GRIK2: variants seen among roughly 807,000 people sequenced by gnomAD.
The protein encoded by GRIK2 is glutamate ionotropic receptor kainate type subunit 2.
GRIK2 carries 32 observed loss-of-function variants against 100.3 expected under a neutral mutation model. The ratio of observed to expected loss-of-function variants is 0.32; its 90% CI spans 0.24 to 0.43. The LOEUF (loss-of-function observed/expected upper bound fraction) is 0.43. GRIK2 is among the 20% of genes least tolerant of loss of function. The probability of loss-of-function intolerance (pLI) is 1.00; values close to 1 mark genes in which losing one functional copy is unlikely to be tolerated. For missense variants in GRIK2, 843 were observed against 1,114.9 expected (o/e 0.76, Z 3.47); for synonymous variants, 417 against 389.4 (o/e 1.07, Z -0.83).
At position 101,463,750 on chromosome 6, in the gene GRIK2, A is replaced by C. The variant is rs1771467478; in HGVS notation, c.115+64358A>C. 2.0e-5 allele frequency among the ~76,000 whole-genome samples: 3 copies of C among 152,126 alleles called. No homozygotes were observed. The South Asian group carries it at 6.2e-4, about 32-fold the overall frequency. ...ACAGGTAGAATCAGATCATTGACAC[A>C]AGGCAAAGAGACTCCAACATGCATG... On this transcript the variant is annotated intron_variant, in intron 2 of 16. Transcript: ENST00000369134.
intron 2 of GRIK2, among the ~76,000 whole-genome samples, chr6:101,410,322 T>C (rs1471396481): frequency 3.9e-5 from 6 of 152,118 alleles, no homozygotes; most frequent in Non-Finnish European, 1.5e-5. Context: ...GATCCATTTG[T>C]GTTGATTCAG....
intron 14 of GRIK2, among the ~76,000 whole-genome samples, chr6:101,948,782 G>C (rs1328608408): frequency 1.3e-5 from 2 of 151,532 alleles, no homozygotes; most frequent in African/African-American, 4.9e-5. Flanking sequence ...GCCTAAAAAG[G>C]GTTTTAAAGC....
intron 7 of GRIK2, among the ~76,000 whole-genome samples, chr6:101,789,956 C>A (rs557788160): frequency 2.4e-4 from 36 of 152,196 alleles, no homozygotes; most frequent in African/African-American, 8.7e-4. Context: ...GTATTTTATT[C>A]TCTTTGAAGC....
chr6:101,678,491 G>T (rs992525063), intron 5 of GRIK2, among the ~76,000 whole-genome samples: 17 of 152,138 alleles, frequency 1.1e-4, no homozygotes, highest in Admixed American at 6.5e-5. Flanking sequence ...TTATTATACA[G>T]TATGCATCCT....
chr6:101,486,380 AG>A (rs928547233), intron 2 of GRIK2, among the ~76,000 whole-genome samples: 1 of 6,758 alleles, frequency 1.5e-4, no homozygotes, highest in African/African-American at 4.8e-4. Context: ...AGGTTGCATG[AG>A]GGGGTGGGGC....
chr6:101,449,596 T>A (rs1487957069), intron 2 of GRIK2, among the ~76,000 whole-genome samples: 6 of 151,804 alleles, frequency 4.0e-5, no homozygotes, highest in African/African-American at 9.7e-5. Context: ...TTGTGAATTA[T>A]GATTGGACAA....
intron 11 of GRIK2, among the ~76,000 whole-genome samples, chr6:101,879,721 G>C (rs959381584): frequency 1.5e-4 from 22 of 150,874 alleles, no homozygotes; most frequent in African/African-American, 5.4e-4. Flanking sequence ...TTGGGCAACT[G>C]GAAGAAGCTG....
chr6:101,968,543 T>C (rs1331535448), intron 14 of GRIK2, among the ~76,000 whole-genome samples: 1 of 152,010 alleles, frequency 6.6e-6, no homozygotes, highest in Non-Finnish European at 1.5e-5. Context: ...AGTATGCAGG[T>C]AATATCCAGC....
At chr6:101,658,330 T>G (rs1769351989) in intron 4 of GRIK2, among the ~76,000 whole-genome samples, 1 of 152,222 alleles carries the variant, frequency 6.6e-6, no homozygotes, top group Non-Finnish European at 1.5e-5. Flanking sequence ...TGTGTTAGTT[T>G]GCTGAGAATG....
At chr6:101,925,681 A>T (rs1789842469) in intron 13 of GRIK2, among the ~76,000 whole-genome samples, 2 of 152,026 alleles carry the variant, frequency 1.3e-5, no homozygotes. Flanking sequence ...CATAAGAGTT[A>T]TCATACCTAT....
intron 14 of GRIK2, among the ~76,000 whole-genome samples, chr6:101,958,649 G>A (rs6924744): frequency 0.46 from 69,955 of 151,596 alleles, 16,218 homozygotes; most frequent in South Asian, 0.52. Context: ...TTAGTATGAT[G>A]TTGCCTATGG....
In GRIK2 at chr6:101,707,620, A is replaced by ATG. The variant is rs528167671; in HGVS notation, c.951+21268_951+21269insGT. ...TATATATGTGTGTATATATATATAT[A>ATG]TATATATGAATTGTGATAATAGTCC... On this transcript the variant is annotated intron_variant, in intron 7 of 16. Transcript: ENST00000369134. Among the ~76,000 whole-genome samples the ATG allele has an allele frequency of 4.3e-3, 626 of 145,022 alleles. 5 individuals are homozygous for ATG. The highest frequency in any genetic ancestry group is 8.9e-3 in the South Asian group (41 of 4,584).
At chr6:101,866,556 A>T (rs949693728) in intron 11 of GRIK2, among the ~76,000 whole-genome samples, 1 of 152,128 alleles carries the variant, frequency 6.6e-6, no homozygotes, top group Non-Finnish European at 1.5e-5. Context: ...TCTCCAAAAA[A>T]TTTTTACTAA....
chr6:101,764,457 G>C (rs1213570049), intron 7 of GRIK2, among the ~76,000 whole-genome samples: 1 of 152,038 alleles, frequency 6.6e-6, no homozygotes, highest in Non-Finnish European at 1.5e-5. Flanking sequence ...GTGTGAGAGA[G>C]AGAGAGATGA....
chr6:102,004,847 T>C (rs983110397), intron 14 of GRIK2, among the ~76,000 whole-genome samples: 3 of 151,780 alleles, frequency 2.0e-5, no homozygotes, highest in Non-Finnish European at 4.4e-5. Flanking sequence ...CCCCACCACC[T>C]TTCTCCAGTG....
intron 12 of GRIK2, among the ~76,000 whole-genome samples, chr6:101,917,019 A>G (rs867220593): frequency 6.6e-6 from 1 of 151,486 alleles, no homozygotes; most frequent in East Asian, 1.9e-4. Context: ...TACTTAACAG[A>G]TAGGTGGTAA....
chr6:101,524,985 G>A (rs964227144), intron 2 of GRIK2, among the ~76,000 whole-genome samples: 13 of 151,916 alleles, frequency 8.6e-5, no homozygotes, highest in African/African-American at 2.9e-4. Context: ...TACCCACCTC[G>A]GCCTCCCAAA....
chr6:101,969,092 C>T (rs1792877995), intron 14 of GRIK2, among the ~76,000 whole-genome samples: 1 of 151,740 alleles, frequency 6.6e-6, no homozygotes, highest in South Asian at 2.1e-4. Flanking sequence ...AAATATATTT[C>T]CTTAGAATAA....
intron 14 of GRIK2, among the ~76,000 whole-genome samples, chr6:101,947,003 A>G (rs891697181): frequency 6.6e-6 from 1 of 152,144 alleles, no homozygotes. Flanking sequence ...AAACGTTGCT[A>G]CCTTGTAATA....
Sources: allele counts gnomAD v4.1 joint callset (sites outside exome capture counted in the v4.1 genomes callset), GRCh38; gene constraint gnomAD v4.1.1; transcripts MANE v1.5; gene names NCBI Gene and HGNC (gene_info 2026-07-23, HGNC 2026-07-21).